The following MVB12B variants were observed in gnomAD, a reference collection of about 807,000 sequenced individuals.
MVB12B encodes the protein ESCRT-I complex subunit MVB12B.
A neutral mutation model predicts 41.6 loss-of-function variants in MVB12B; 16 were observed. That is an observed-to-expected ratio of 0.38 (90% CI 0.26 to 0.58). MVB12B has a LOEUF of 0.58. Ranked by LOEUF, MVB12B falls within the 20% of genes least tolerant of loss-of-function variation. The pLI is 0.62. For synonymous variants in MVB12B, 133 were observed against 139.7 expected (o/e 0.95, Z 0.34); for missense variants, 274 against 380.2 (o/e 0.72, Z 2.32).
chr9:126,437,596 G>A (rs1832517806), intron 7 of MVB12B, among the ~76,000 whole-genome samples: 1 of 152,160 alleles, frequency 6.6e-6, no homozygotes, highest in Non-Finnish European at 1.5e-5. Flanking sequence ...GACAGTTGTG[G>A]GGATTTTAAA....
chr9:126,373,719 A>C (rs1017996435), intron 2 of MVB12B, among the ~76,000 whole-genome samples: 1 of 152,338 alleles, frequency 6.6e-6, no homozygotes, highest in East Asian at 1.9e-4. Flanking sequence ...TAGGTGGCTT[A>C]GTTGGATAGC....
rs918881367 is a variant in MVB12B at position 126,486,904 on chromosome 9, C to T, written c.873+2872C>T. 4.6e-5 allele frequency among the ~76,000 whole-genome samples: 7 copies of T among 151,850 alleles called. No individual in the cohort carries two copies. Among genetic ancestry groups the T allele is most frequent in the African/African-American group, 1.5e-4 (6 of 41,282 alleles). The stretch of plus-strand genomic sequence containing the variant: ...TAGTTCCTTAACCTGGGTGGGCCTT[C>T]GAGTTGCTGGGGTGGGGTGAAGTGG... On this transcript the variant is annotated intron_variant, in intron 9 of 9. Transcript: ENST00000361171. This position sits in a 1 kb window ranked among gnomAD's most constrained non-coding sequence, Gnocchi z 4.7.
In MVB12B at chr9:126,459,371, T is replaced by C. The variant is rs1444560086; in HGVS notation, c.758-21998T>C. ...CATGGGGACAGTCTAGCATGGTGCT[T>C]GGCACAAAGTCCAAAGCCGTCTCCA... On this transcript the variant is annotated intron_variant, in intron 7 of 9. Transcript: ENST00000361171. This position sits in a 1 kb window ranked among gnomAD's most constrained non-coding sequence, Gnocchi z 4.3. Among the ~76,000 whole-genome samples, 1 of 152,152 alleles carries C rather than the reference T, an allele frequency of 6.6e-6. No homozygotes were observed. The highest frequency in any genetic ancestry group is 6.5e-5 in the Admixed American group (1 of 15,274).
chr9:126,340,688 C>T lies in MVB12B; in HGVS notation c.204+58C>T. On this transcript the variant is annotated intron_variant, in intron 2 of 9. Coordinates refer to ENST00000361171, the MANE Select transcript of MVB12B (RefSeq NM_033446.3). This position sits in a 1 kb window ranked among gnomAD's most constrained non-coding sequence, Gnocchi z 4.0. ...CACTGATTCTACAAGTATTTATCTC[C>T]TGTGTCCAAGACCTTCTGGCCCTTG... 1 of 1,591,778 alleles carries T rather than the reference C, an allele frequency of 6.3e-7. No individual in the cohort carries two copies. The highest frequency in any genetic ancestry group is 1.3e-5 in the African/African-American group (1 of 74,574).
intron 2 of MVB12B, among the ~76,000 whole-genome samples, chr9:126,362,599 C>T (rs1476652651): frequency 6.6e-6 from 1 of 152,044 alleles, no homozygotes; most frequent in African/African-American, 2.4e-5. Context: ...AAGCCTGTAT[C>T]CAAGGAAGAA....
In MVB12B at chr9:126,499,700, G is replaced by A. The variant is rs896556020; in HGVS notation, c.874-3477G>A. ...GACATATGTTGAAATTTCATTTGGGGAGTTAGGGAAAACAAGAAGCGGGGG... is the reference window on the plus strand; with the variant it reads ...GACATATGTTGAAATTTCATTTGGGAAGTTAGGGAAAACAAGAAGCGGGGG... On this transcript the variant is annotated intron_variant, in intron 9 of 9. Transcript: ENST00000361171. 4.6e-5 allele frequency among the ~76,000 whole-genome samples: 7 copies of A among 152,164 alleles called. No homozygotes were observed. The South Asian group carries it at 6.2e-4, about 14-fold the overall frequency.
At position 126,470,675 on chromosome 9, in the gene MVB12B, T is replaced by A. The variant is rs1392794753; in HGVS notation, c.758-10694T>A. Among the ~76,000 whole-genome samples, 34 of 145,768 alleles carry A rather than the reference T, an allele frequency of 2.3e-4. No homozygotes were observed. In the East Asian group the frequency reaches 4.3e-3, roughly 18 times the overall value. On this transcript the variant is annotated intron_variant, in intron 7 of 9. Transcript: ENST00000361171. ...GTGTGTGTGTGTGTGTGTGTGTGTG[T>A]GTAATCCAGATTGCTCATGCCAAAT...
chr9:126,466,177 G>A (rs1045512582), intron 7 of MVB12B, among the ~76,000 whole-genome samples: 2 of 152,186 alleles, frequency 1.3e-5, no homozygotes, highest in African/African-American at 4.8e-5. Flanking sequence ...GGCTGCAGCC[G>A]GATGGCCTGA....
At chr9:126,329,435 G>A (rs1489815125) in intron 1 of MVB12B, among the ~76,000 whole-genome samples, 1 of 152,216 alleles carries the variant, frequency 6.6e-6, no homozygotes, top group African/African-American at 2.4e-5. Flanking sequence ...GTTTGTTGCG[G>A]GGAGAGCATT....
At chr9:126,362,755 C>A (rs1293956958) in intron 2 of MVB12B, among the ~76,000 whole-genome samples, 2 of 152,184 alleles carry the variant, frequency 1.3e-5, no homozygotes, top group East Asian at 3.8e-4. Flanking sequence ...TTGGACGCTT[C>A]TTCATTTGTT....
intron 9 of MVB12B, among the ~76,000 whole-genome samples, chr9:126,497,688 C>T (rs192781555): frequency 9.2e-5 from 14 of 152,326 alleles, no homozygotes; most frequent in African/African-American, 3.1e-4. Flanking sequence ...CCCACCTGCT[C>T]GTGAACAGCC....
intron 6 of MVB12B, among the ~76,000 whole-genome samples, chr9:126,408,987 G>A (rs750934207): frequency 9.2e-5 from 14 of 152,078 alleles, no homozygotes; most frequent in Non-Finnish European, 1.9e-4. Context: ...CCTACTCTGC[G>A]GGGTTTGGAT....
intron 3 of MVB12B, among the ~76,000 whole-genome samples, chr9:126,383,900 C>A (rs185067862): frequency 3.4e-4 from 52 of 151,630 alleles, no homozygotes; most frequent in Admixed American, 3.9e-4. Flanking sequence ...GTTTTATGAT[C>A]AGGGACATTG....
intron 2 of MVB12B, 129 bp from the exon 3 acceptor site, chr9:126,380,935 T>A: frequency 1.6e-6 from 1 of 623,488 alleles, no homozygotes; most frequent in Non-Finnish European, 2.8e-6. Flanking sequence ...CCTAGTGAAA[T>A]GAGCTAATGA....
At position 126,365,330 on chromosome 9, in the gene MVB12B, G is replaced by A. The variant is rs1305656387; in HGVS notation, c.205-15734G>A. ...TCTATCCACCTCGGCCTCCCAAAGT[G>A]TCTTTTTTTTTTTTTTTTAAGAGAC... is the stretch of plus-strand genomic sequence containing the variant. On this transcript the variant is annotated intron_variant, in intron 2 of 9. Transcript: ENST00000361171. 1.2e-4 allele frequency among the ~76,000 whole-genome samples: 9 copies of A among 77,436 alleles called. No individual in the cohort carries two copies. The East Asian group carries it at 2.6e-3, about 22-fold the overall frequency. 50.8% of individuals were successfully genotyped at this position (77,436 alleles called of 152,430 possible).
chr9:126,420,584 T>C (rs1831977886), intron 6 of MVB12B, among the ~76,000 whole-genome samples: 1 of 88,664 alleles, frequency 1.1e-5, no homozygotes, highest in Non-Finnish European at 2.6e-5. Context: ...TTTTTTTTTT[T>C]TTTTTTTTTT....
chr9:126,475,117 A>G (rs574482581), intron 7 of MVB12B, among the ~76,000 whole-genome samples: 1 of 152,186 alleles, frequency 6.6e-6, no homozygotes, highest in African/African-American at 2.4e-5. Context: ...TTTCGGACCT[A>G]CACTACGAGA....
In MVB12B at chr9:126,333,502, T is replaced by G. The variant is rs1303831692; in HGVS notation, c.81+6492T>G. On this transcript the variant is annotated intron_variant, in intron 1 of 9. Transcript: ENST00000361171. This position sits in a 1 kb window ranked among gnomAD's most constrained non-coding sequence, Gnocchi z 4.7. ...TCACTGCAACCTCCACCTCCTGGGTTTAAGCGATTCTTGTGCCTCACCCTC... is the reference window on the plus strand; with the variant it reads ...TCACTGCAACCTCCACCTCCTGGGTGTAAGCGATTCTTGTGCCTCACCCTC... Among the ~76,000 whole-genome samples, 2 of 152,170 alleles carry G rather than the reference T, an allele frequency of 1.3e-5. No homozygotes were observed. Among genetic ancestry groups the G allele is most frequent in the African/African-American group, 4.8e-5 (2 of 41,442 alleles).
At chr9:126,363,044 G>A (rs1830067499) in intron 2 of MVB12B, among the ~76,000 whole-genome samples, 1 of 152,020 alleles carries the variant, frequency 6.6e-6, no homozygotes, top group African/African-American at 2.4e-5. Context: ...AACATTAGCT[G>A]GGTGTAGTGG....
Sources: allele counts gnomAD v4.1 joint callset (sites outside exome capture counted in the v4.1 genomes callset), GRCh38; gene constraint gnomAD v4.1.1; non-coding constraint Gnocchi (gnomAD v3.1); transcripts MANE v1.5; gene names NCBI Gene and HGNC (gene_info 2026-07-23, HGNC 2026-07-21).